The following LRP1B variants were observed in gnomAD, a reference collection of about 807,000 sequenced individuals.
LRP1B encodes low-density lipoprotein receptor-related protein 1B.
A neutral mutation model predicts 556.6 loss-of-function variants in LRP1B; 217 were observed. The observed-to-expected ratio is 0.39, with a 90% CI of 0.35 to 0.44. The LOEUF is 0.44. Ranked by LOEUF, LRP1B falls within the 20% of genes least tolerant of loss-of-function variation. The pLI is 1.00. For missense variants in LRP1B, 5,053 were observed against 5,620.8 expected, an observed-to-expected ratio of 0.90 and a Z score of 3.23; for synonymous variants, 2,047 against 1,865.8, an observed-to-expected ratio of 1.10 and a Z score of -2.50.
chr2:140,326,233 AGAAT>A (rs1680468815), intron 79 of LRP1B, among the ~76,000 whole-genome samples: 1 of 152,034 alleles, frequency 6.6e-6, no homozygotes, highest in South Asian at 2.1e-4. Context: ...TATTATATGG[AGAAT>A]GAATTCATTA....
At chr2:140,254,979 G>C (rs1300296389) in intron 86 of LRP1B, among the ~76,000 whole-genome samples, 1 of 152,042 alleles carries the variant, frequency 6.6e-6, no homozygotes, top group Non-Finnish European at 1.5e-5. Context: ...TCAAAATCTA[G>C]AAACTACACT....
At chr2:140,436,939 G>T (rs1293371667) in intron 66 of LRP1B, among the ~76,000 whole-genome samples, 1 of 152,104 alleles carries the variant, frequency 6.6e-6, no homozygotes, top group Non-Finnish European at 1.5e-5. Context: ...GAGTTATTTT[G>T]TGATATTAAA....
At chr2:141,770,123 A>G (rs560249910) in intron 2 of LRP1B, among the ~76,000 whole-genome samples, 7 of 151,752 alleles carry the variant, frequency 4.6e-5, no homozygotes, top group South Asian at 4.2e-4. Context: ...TCCTACTCCA[A>G]TTTCAACTTT....
chr2:141,480,107 T>A (rs1165594475), intron 3 of LRP1B, among the ~76,000 whole-genome samples: 2 of 152,148 alleles, frequency 1.3e-5, no homozygotes, highest in African/African-American at 2.4e-5. Flanking sequence ...TCAAAAGCAC[T>A]TTTTTATATG....
intron 41 of LRP1B, among the ~76,000 whole-genome samples, chr2:140,653,721 C>T (rs1241923308): frequency 6.6e-6 from 1 of 151,790 alleles, no homozygotes; most frequent in Non-Finnish European, 1.5e-5. Flanking sequence ...GCTAAAGAAG[C>T]ATACTAAAAG....
intron 2 of LRP1B, among the ~76,000 whole-genome samples, chr2:141,772,060 C>A (rs1424633759): frequency 6.6e-6 from 1 of 152,046 alleles, no homozygotes; most frequent in Non-Finnish European, 1.5e-5. Flanking sequence ...TCGTGATCCA[C>A]CTGACTGGGA....
At chr2:140,737,042 C>A (rs1346958473) in intron 35 of LRP1B, among the ~76,000 whole-genome samples, 1 of 152,100 alleles carries the variant, frequency 6.6e-6, no homozygotes, top group African/African-American at 2.4e-5. Context: ...ACATCTACAA[C>A]ACCCACCCTC....
intron 1 of LRP1B, among the ~76,000 whole-genome samples, chr2:141,893,584 T>C (rs936125736): frequency 3.9e-5 from 6 of 152,162 alleles, no homozygotes; most frequent in Non-Finnish European, 7.3e-5. Flanking sequence ...ATGCCTGAGC[T>C]AAGAAGGCAC....
At chr2:140,668,103 G>A (rs1405909114) in intron 41 of LRP1B, among the ~76,000 whole-genome samples, 2 of 152,012 alleles carry the variant, frequency 1.3e-5, no homozygotes, top group African/African-American at 4.8e-5. Flanking sequence ...ACGACGTCAG[G>A]AGATCGAGAC....
intron 2 of LRP1B, among the ~76,000 whole-genome samples, chr2:141,771,881 C>A (rs540649474): frequency 6.6e-6 from 1 of 152,002 alleles, no homozygotes; most frequent in Non-Finnish European, 1.5e-5. Flanking sequence ...TGCAGTGGTG[C>A]GTTCTCGGCT....
At chr2:141,122,751 C>A (rs75584685) in intron 7 of LRP1B, among the ~76,000 whole-genome samples, 1 of 151,898 alleles carries the variant, frequency 6.6e-6, no homozygotes, top group Admixed American at 6.6e-5. Flanking sequence ...CATTACTGGG[C>A]ATATACCTAA....
intron 2 of LRP1B, among the ~76,000 whole-genome samples, chr2:141,708,054 C>T (rs930908262): frequency 1.4e-4 from 22 of 152,022 alleles, no homozygotes; most frequent in African/African-American, 5.3e-4. Context: ...ACTTTCAAAA[C>T]TCTGATGTTA....
At chr2:140,950,163 T>C in intron 20 of LRP1B, 72 bp downstream of exon 20, 2 of 1,102,608 alleles carry the variant, frequency 1.8e-6, no homozygotes, top group Non-Finnish European at 2.5e-6. Flanking sequence ...CAATATTCTC[T>C]CTGTAATACC....
intron 1 of LRP1B, among the ~76,000 whole-genome samples, chr2:142,129,943 G>T (rs1271358015): frequency 2.6e-5 from 4 of 152,084 alleles, no homozygotes; most frequent in African/African-American, 9.7e-5. Context: ...CCATTCACCA[G>T]CTGCTTGGAG....
intron 3 of LRP1B, among the ~76,000 whole-genome samples, chr2:141,277,168 C>T (rs1390809188): frequency 1.3e-5 from 2 of 150,742 alleles, no homozygotes; most frequent in Non-Finnish European, 3.0e-5. Context: ...AATGGGATTC[C>T]TGGGTCAAAC....
chr2:141,000,748 G>A (rs541396505), intron 15 of LRP1B, among the ~76,000 whole-genome samples: 1 of 151,978 alleles, frequency 6.6e-6, no homozygotes, highest in Non-Finnish European at 1.5e-5. Context: ...CATGATAAAG[G>A]CTTTGTAGGA....
chr2:141,853,949 C>T (rs1445384812), intron 1 of LRP1B, among the ~76,000 whole-genome samples: 2 of 151,838 alleles, frequency 1.3e-5, no homozygotes, highest in Non-Finnish European at 2.9e-5. Flanking sequence ...ATCCATGAAG[C>T]AATACATGTT....
At chr2:141,557,889 C>T (rs1686017779) in intron 2 of LRP1B, among the ~76,000 whole-genome samples, 1 of 151,862 alleles carries the variant, frequency 6.6e-6, no homozygotes, top group Non-Finnish European at 1.5e-5. Context: ...AGCAGTTGGG[C>T]TGTGGGCAGT....
chr2:141,937,944 A>AT (rs1279547137), intron 1 of LRP1B, among the ~76,000 whole-genome samples: 5 of 151,964 alleles, frequency 3.3e-5, no homozygotes, highest in Non-Finnish European at 7.4e-5. Flanking sequence ...TTTATTAGAG[A>AT]TTATCTTTTT....
Sources: allele counts gnomAD v4.1 joint callset (sites outside exome capture counted in the v4.1 genomes callset), GRCh38; gene constraint gnomAD v4.1.1; transcripts MANE v1.5; gene names NCBI Gene and HGNC (gene_info 2026-07-23, HGNC 2026-07-21).